SLC38A2: variants seen among roughly 807,000 people sequenced by gnomAD.
SLC38A2 encodes sodium-coupled neutral amino acid symporter 2.
SLC38A2 carries 11 observed loss-of-function variants against 61.5 expected under a neutral mutation model. The ratio of observed to expected loss-of-function variants is 0.18; its 90% confidence interval spans 0.11 to 0.30. SLC38A2 has a LOEUF of 0.30. Ranked by LOEUF, SLC38A2 falls within the 10% of genes least tolerant of loss-of-function variation. SLC38A2 has a pLI of 1.00. For synonymous variants in SLC38A2, 217 were observed against 212.5 expected, an observed-to-expected ratio of 1.02 and a Z score of -0.18; for missense variants, 522 against 600.4, an observed-to-expected ratio of 0.87 and a Z score of 1.36.
At position 46,371,481 on chromosome 12, in the gene SLC38A2, C is replaced by T. The variant is rs961182681; in HGVS notation, c.-86-102G>A. ...CGCGGCTGATTCATCCCAGGCCAGGCGAGTGGAAAAGTACCAGCCGCGCGC... is the reference window on the plus strand; with the variant it reads ...CGCGGCTGATTCATCCCAGGCCAGGTGAGTGGAAAAGTACCAGCCGCGCGC... On this transcript the variant is annotated intron_variant, in intron 1 of 15. Transcript: ENST00000256689. 1.1e-5 allele frequency: 6 copies of T among 561,648 alleles called. No individual in the cohort carries two copies. In the Admixed American group the frequency reaches 1.4e-4, roughly 13 times the overall value. 34.8% of individuals were successfully genotyped at this position (561,648 alleles called of 1,614,324 possible).
At chr12:46,370,923 T>A in intron 2 of SLC38A2, 66 bp from the exon 3 acceptor site, 1 of 1,240,314 alleles carries the variant, frequency 8.1e-7, no homozygotes, top group Non-Finnish European at 1.1e-6. Flanking sequence ...CACACAAGAC[T>A]GCTTTAACAT....
At position 46,364,676 on chromosome 12, in the gene SLC38A2, A is replaced by G; in HGVS notation, c.673T>C (p.Ser225Pro). ...AGAAAGAACACCATACACAACAAGG[A>G]AAGGCCACTGGTATATCCCAAATAT... ...LGYLGYTSGL[S>P]LLCMVFFLIV... is the part of the protein sequence containing the mutation. Residue 225 changes from serine (S) to proline (P), a missense_variant, in exon 9 of 16, where the codon TCC becomes CCC. Coordinates refer to ENST00000256689, the MANE Select transcript of SLC38A2 (RefSeq NM_018976.5). The G allele has an allele frequency of 6.2e-7, 1 of 1,610,992 alleles. No individual in the cohort carries two copies. The highest frequency in any genetic ancestry group is 8.5e-7 in the Non-Finnish European group (1 of 1,178,660).
In SLC38A2 at chr12:46,363,138, A is replaced by T. The variant is rs1051186880; in HGVS notation, c.1062T>A (p.Val354=). The T allele has an allele frequency of 6.2e-7, 1 of 1,612,370 alleles. No individual in the cohort carries two copies. Among genetic ancestry groups the T allele is most frequent in the South Asian group, 1.1e-5 (1 of 90,922 alleles). ...LFGYLTFYEH[V]ESELLHTYSS... ...AGTAGGTATGAAGCAATTCTGACTC[A>T]ACATGTTCTACAGGGAAAGACCAAA... Residue 354 remains valine, a synonymous_variant, in exon 13 of 16, where the codon GTT becomes GTA. Transcript: ENST00000256689.
intron 10 of SLC38A2, 76 bp from the exon 11 acceptor site, chr12:46,364,079 AT>A (rs1943112899): frequency 7.9e-7 from 1 of 1,261,834 alleles, no homozygotes; most frequent in Non-Finnish European, 1.1e-6. Context: ...CATATATTTT[AT>A]GTAAACAATC....
intron 7 of SLC38A2, among the ~76,000 whole-genome samples, chr12:46,366,606 A>G (rs1468256177): frequency 6.6e-6 from 1 of 152,200 alleles, no homozygotes; most frequent in Non-Finnish European, 1.5e-5. Flanking sequence ...AAGTATGAAC[A>G]TAAAGACAGA....
intron 12 of SLC38A2, 147 bp downstream of exon 12, chr12:46,363,579 A>C (rs1273443090): frequency 7.5e-6 from 4 of 529,992 alleles, no homozygotes; most frequent in Non-Finnish European, 1.3e-5. Context: ...CTAAGCTCTA[A>C]ATTTAATTTC....
chr12:46,365,125 A>G lies in SLC38A2; in HGVS notation c.628T>C (p.Ser210Pro). The G allele has an allele frequency of 6.2e-7, 1 of 1,613,556 alleles. No homozygotes were observed. The highest frequency in any genetic ancestry group is 8.5e-7 in the Non-Finnish European group (1 of 1,179,632). The change falls in exon 8 of 16, where the codon TCG (serine) becomes CCG (proline). Residue 210 changes from serine (S) to proline (P), a missense_variant. By Grantham distance (74) the Ser-to-Pro change is moderately conservative. Around this residue, in one of 3 missense-constraint regions of SLC38A2, gnomAD observed 111 missense variants for 173.4 expected, o/e 0.64. Coordinates refer to ENST00000256689, the MANE Select transcript of SLC38A2 (RefSeq NM_018976.5). ...TGCTCACCTAAATTTCTAAACAGCG[A>G]CAAAGGAAGAATGACCACCAATGAC... ...LVSLVVILPL[S>P]LFRNLGYLGY...
chr12:46,362,846 T>C, intron 13 of SLC38A2, 175 bp downstream of exon 13: 1 of 974,770 alleles, frequency 1.0e-6, no homozygotes, highest in Non-Finnish European at 1.5e-6. Flanking sequence ...GTGAAAAAAA[T>C]GTCCCCAGGG....
chr12:46,364,226 T>A (rs986480953), intron 10 of SLC38A2, among the ~76,000 whole-genome samples, 163 bp downstream of exon 10: 1 of 152,086 alleles, frequency 6.6e-6, no homozygotes, highest in Non-Finnish European at 1.5e-5. Flanking sequence ...CTCAATCTAT[T>A]TTCAGATGTA....
chr12:46,365,290 A>T (rs1427484289), intron 7 of SLC38A2, 101 bp from the exon 8 acceptor site: 10 of 948,276 alleles, frequency 1.1e-5, no homozygotes, highest in Non-Finnish European at 1.5e-5. Flanking sequence ...CATGAAAACA[A>T]ACACACAAAA....
Position 46,360,374 on chromosome 12 carries a change from T to C in SLC38A2, c.*737A>G, listed in dbSNP as rs865961612. The C allele has an allele frequency of 2.0e-5, 3 of 152,260 alleles. No homozygotes were observed. Among genetic ancestry groups the C allele is most frequent in the African/African-American group, 7.2e-5 (3 of 41,470 alleles). The allele number at this position is 152,260 out of a possible 1,614,324, so 9.4% of individuals were successfully genotyped here. On this transcript the variant is annotated 3_prime_UTR_variant, in exon 16 of 16. Transcript: ENST00000256689. ...TGAACAGAGTTCATCTGATTTGGTA[T>C]AGCAATAATCAATCATCTTTTAAGT... is the stretch of plus-strand genomic sequence containing the variant.
Position 46,364,770 on chromosome 12 carries a change from C to A in SLC38A2, c.647-68G>T. 2.7e-6 allele frequency: 4 copies of A among 1,462,538 alleles called. No homozygotes were observed. The South Asian group carries it at 4.9e-5, about 18-fold the overall frequency. The allele number at this position is 1,462,538 out of a possible 1,614,324, so 90.6% of individuals were successfully genotyped here. On this transcript the variant is annotated intron_variant, in intron 8 of 15. Transcript: ENST00000256689. ...CAGATTTAAGGCAAATATCTTTTTC[C>A]CACTGAATAACTCAATTCTGCTGGG...
intron 9 of SLC38A2, 31 bp from the exon 10 acceptor site, chr12:46,364,587 C>G: frequency 6.3e-7 from 1 of 1,599,946 alleles, no homozygotes; most frequent in East Asian, 2.2e-5. Flanking sequence ...ATGTGTTAAA[C>G]TAAGTGACAT....
chr12:46,367,211 G>C (rs1337726734), intron 5 of SLC38A2, 43 bp from the exon 6 acceptor site: 4 of 1,591,438 alleles, frequency 2.5e-6, no homozygotes, highest in African/African-American at 2.7e-5. Flanking sequence ...GATTTTAAAA[G>C]AGAAATAAAA....
chr12:46,371,565 C>T, intron 1 of SLC38A2, 186 bp from the exon 2 acceptor site: 2 of 431,522 alleles, frequency 4.6e-6, no homozygotes, highest in South Asian at 2.8e-5. Flanking sequence ...GCGGGGAGAA[C>T]AAAGATGATG....
In SLC38A2 at chr12:46,364,818, G is replaced by A. The variant is rs868868696; in HGVS notation, c.647-116C>T. ...GGGAAGACTTTAGGCACTAAAGTAT[G>A]TGTATAGCACTAAATTTCTAATTCT... On this transcript the variant is annotated intron_variant, in intron 8 of 15. Transcript: ENST00000256689. 9.5e-5 allele frequency: 87 copies of A among 918,742 alleles called. No homozygotes were observed. In the Middle Eastern group the frequency reaches 1.4e-3, roughly 15 times the overall value. The allele number at this position is 918,742 out of a possible 1,614,324, so 56.9% of individuals were successfully genotyped here. A position where few individuals can be genotyped will look rare whatever the true frequency, so the allele number is the denominator to read the frequency against.
At chr12:46,366,397 G>C (rs949879606) in intron 7 of SLC38A2, among the ~76,000 whole-genome samples, 1 of 152,038 alleles carries the variant, frequency 6.6e-6, no homozygotes. Flanking sequence ...ATCAGGTGTG[G>C]ATTTTCCACT....
chr12:46,363,593 T>C (rs1336269341), intron 12 of SLC38A2, 133 bp downstream of exon 12: 2 of 534,536 alleles, frequency 3.7e-6, no homozygotes, highest in African/African-American at 4.0e-5. Flanking sequence ...TAATTTCTCA[T>C]CACAAATATG....
At chr12:46,371,890 A>T (rs1224940740) in intron 1 of SLC38A2, among the ~76,000 whole-genome samples, 4 of 152,316 alleles carry the variant, frequency 2.6e-5, no homozygotes, top group African/African-American at 9.6e-5. Flanking sequence ...GGAGGCGGAA[A>T]GGGCCGACAC....
Sources: allele counts gnomAD v4.1 joint callset (sites outside exome capture counted in the v4.1 genomes callset), GRCh38; gene constraint gnomAD v4.1.1; regional missense constraint gnomAD v4.1.1; transcripts MANE v1.5; gene names NCBI Gene and HGNC (gene_info 2026-07-23, HGNC 2026-07-21).